Variants in CAMK1D observed in about 807,000 individuals in gnomAD.
CAMK1D encodes calcium/calmodulin dependent protein kinase ID.
A neutral mutation model predicts 47.7 loss-of-function variants in CAMK1D; 9 were observed. That is an observed-to-expected ratio of 0.19 (90% confidence interval 0.11 to 0.33). The LOEUF (loss-of-function observed/expected upper bound fraction) is 0.33. Ranked by LOEUF, CAMK1D falls within the 10% of genes least tolerant of loss-of-function variation. The pLI is 1.00. For synonymous variants in CAMK1D, 184 were observed against 184.9 expected, an observed-to-expected ratio of 0.99 and a Z score of 0.04; for missense variants, 291 against 488.7, an observed-to-expected ratio of 0.60 and a Z score of 3.81.
At position 12,713,509 on chromosome 10, in the gene CAMK1D, A is replaced by G. The variant is rs539891900; in HGVS notation, c.299+46699A>G. On this transcript the variant is annotated intron_variant, in intron 3 of 10. Transcript: ENST00000619168. ...TGGTCTCTCTGTCGGCACGGTACACAGTTGTTCACTGGTGGCTTATTGGTC... is the reference window on the plus strand; with the variant it reads ...TGGTCTCTCTGTCGGCACGGTACACGGTTGTTCACTGGTGGCTTATTGGTC... 1.2e-4 allele frequency among the ~76,000 whole-genome samples: 19 copies of G among 152,212 alleles called. 1 individual carries two copies. The highest frequency in any genetic ancestry group is 9.8e-4 in the Admixed American group (15 of 15,284).
chr10:12,522,846 G>A lies in CAMK1D; in HGVS notation c.93-30379G>A, dbSNP rs1374177804. 4.2e-5 allele frequency among the ~76,000 whole-genome samples: 3 copies of A among 71,640 alleles called. 1 individual carries two copies. Among genetic ancestry groups the A allele is most frequent in the African/African-American group, 1.5e-4 (3 of 19,412 alleles). 47.0% of individuals were successfully genotyped at this position (71,640 alleles called of 152,430 possible). ...GGAGGCGCCCCCCACCTCCCTCCCG[G>A]ACAGGGCGGCTGGCCGGGCGGGGGC... On this transcript the variant is annotated intron_variant, in intron 1 of 10. Coordinates refer to ENST00000619168, the MANE Select transcript of CAMK1D (RefSeq NM_153498.4).
Position 12,829,845 on chromosome 10 carries a change from C to T in CAMK1D, c.*958C>T, listed in dbSNP as rs1351161191. 1 of 152,318 alleles carries T rather than the reference C, an allele frequency of 6.6e-6. No individual in the cohort carries two copies. The highest frequency in any genetic ancestry group is 2.4e-5 in the African/African-American group (1 of 41,450). 9.4% of individuals were successfully genotyped at this position (152,318 alleles called of 1,614,324 possible). A position where few individuals can be genotyped will look rare whatever the true frequency, so the allele number is the denominator to read the frequency against. ...CTCCCCTTCCCCAGGAGGAGGGGCC[C>T]CTCAGTTCTGCGAGGCTCTCTTCTC... On this transcript the variant is annotated 3_prime_UTR_variant, in exon 11 of 11. Transcript: ENST00000619168.
intron 1 of CAMK1D, among the ~76,000 whole-genome samples, chr10:12,436,654 G>A (rs1832641790): frequency 6.6e-6 from 1 of 152,180 alleles, no homozygotes; most frequent in Non-Finnish European, 1.5e-5. Flanking sequence ...CAGCCCTCAT[G>A]GAGGAAGCTG....
chr10:12,390,901 TAA>T (rs1403994416), intron 1 of CAMK1D, among the ~76,000 whole-genome samples: 2 of 151,938 alleles, frequency 1.3e-5, no homozygotes, highest in South Asian at 2.1e-4. Context: ...CGTGCGTGAA[TAA>T]GAGGATGCTG....
At chr10:12,627,965 C>T (rs779397590) in intron 2 of CAMK1D, among the ~76,000 whole-genome samples, 11 of 152,028 alleles carry the variant, frequency 7.2e-5, no homozygotes, top group Admixed American at 2.6e-4. Context: ...CCTGTAATCC[C>T]GGCTACTCAG....
chr10:12,816,212 C>G, intron 7 of CAMK1D, 38 bp from the exon 8 acceptor site: 2 of 1,581,652 alleles, frequency 1.3e-6, no homozygotes, highest in Non-Finnish European at 1.7e-6. Context: ...TCTCAAGTCG[C>G]AAAGTGATTC....
intron 1 of CAMK1D, among the ~76,000 whole-genome samples, chr10:12,400,496 A>G (rs2131911999): frequency 6.6e-6 from 1 of 152,320 alleles, no homozygotes; most frequent in South Asian, 2.1e-4. Flanking sequence ...AAGCTGCCCA[A>G]GACTCCCAAT....
chr10:12,370,316 C>A (rs1291811298), intron 1 of CAMK1D, among the ~76,000 whole-genome samples: 1 of 151,072 alleles, frequency 6.6e-6, no homozygotes, highest in Non-Finnish European at 1.5e-5. Flanking sequence ...GCACCTAATA[C>A]TTGATAGTGA....
At chr10:12,826,957 A>G (rs910981352) in intron 10 of CAMK1D, among the ~76,000 whole-genome samples, 1 of 152,230 alleles carries the variant, frequency 6.6e-6, no homozygotes, top group African/African-American at 2.4e-5. Context: ...GGCCTGCACC[A>G]ACAAGCTCAG....
chr10:12,704,567 A>G (rs1833658648), intron 3 of CAMK1D, among the ~76,000 whole-genome samples: 1 of 152,222 alleles, frequency 6.6e-6, no homozygotes, highest in African/African-American at 2.4e-5. Flanking sequence ...AGAGGAAAAA[A>G]AAAAAGAAAG....
At chr10:12,645,163 T>C (rs1839778656) in intron 2 of CAMK1D, among the ~76,000 whole-genome samples, 1 of 152,082 alleles carries the variant, frequency 6.6e-6, no homozygotes. Flanking sequence ...TGAGGCTCAG[T>C]GAACATGTTC....
At chr10:12,504,674 A>T (rs1261802251) in intron 1 of CAMK1D, among the ~76,000 whole-genome samples, 1 of 152,218 alleles carries the variant, frequency 6.6e-6, no homozygotes, top group Non-Finnish European at 1.5e-5. Context: ...CATGGTGTTC[A>T]ACCTAGAAAG....
rs563377469 is a variant in CAMK1D, at chr10:12,481,540, C to T, written c.93-71685C>T. ...CTCTTTTTTTTTTGAGATGGAGTCT[C>T]GCCCTGTTGCCCAGGCTGGAGTGCA... On this transcript the variant is annotated intron_variant, in intron 1 of 10. Coordinates refer to ENST00000619168, the MANE Select transcript of CAMK1D (RefSeq NM_153498.4). Among the ~76,000 whole-genome samples, 36 of 152,052 alleles carry T rather than the reference C, an allele frequency of 2.4e-4. No individual in the cohort carries two copies. The South Asian group carries it at 5.8e-3, about 25-fold the overall frequency.
At chr10:12,376,693 C>T (rs551834491) in intron 1 of CAMK1D, among the ~76,000 whole-genome samples, 18 of 152,100 alleles carry the variant, frequency 1.2e-4, no homozygotes, top group Non-Finnish European at 2.4e-4. Flanking sequence ...CACCTGCTCA[C>T]ACTCCTGAGA....
rs1415147814 is a variant in CAMK1D at position 12,412,137 on chromosome 10, A to T, written c.92+62227A>T. 2.6e-5 allele frequency among the ~76,000 whole-genome samples: 4 copies of T among 152,092 alleles called. No homozygotes were observed. The East Asian group carries it at 7.7e-4, about 29-fold the overall frequency. ...TTCTTTTCCCACCATTTTACAGCAA[A>T]TGGGGCTTTTCTTTTATCACAGTCC... On this transcript the variant is annotated intron_variant, in intron 1 of 10. Transcript: ENST00000619168.
intron 2 of CAMK1D, among the ~76,000 whole-genome samples, chr10:12,644,655 A>G (rs550748460): frequency 6.6e-6 from 1 of 152,278 alleles, no homozygotes; most frequent in East Asian, 1.9e-4. Flanking sequence ...AGTAACCTCC[A>G]ATACGGAGGC....
chr10:12,501,586 T>G (rs1425743621), intron 1 of CAMK1D, among the ~76,000 whole-genome samples: 1 of 152,220 alleles, frequency 6.6e-6, no homozygotes, highest in African/African-American at 2.4e-5. Flanking sequence ...TGGACTCTGT[T>G]CACCAGGAAT....
intron 2 of CAMK1D, among the ~76,000 whole-genome samples, chr10:12,630,764 C>T (rs1839357312): frequency 1.3e-5 from 2 of 152,022 alleles, no homozygotes; most frequent in African/African-American, 4.8e-5. Flanking sequence ...TTCCTTGTGA[C>T]CTCACGTCCT....
chr10:12,433,458 A>G (rs898235715), intron 1 of CAMK1D, among the ~76,000 whole-genome samples: 1 of 152,034 alleles, frequency 6.6e-6, no homozygotes, highest in South Asian at 2.1e-4. Context: ...GCTTCCTTAG[A>G]GTCTTCTCCC....
Sources: allele counts gnomAD v4.1 joint callset (sites outside exome capture counted in the v4.1 genomes callset), GRCh38; gene constraint gnomAD v4.1.1; transcripts MANE v1.5; gene names NCBI Gene and HGNC (gene_info 2026-07-23, HGNC 2026-07-21).